Variants in PRR16 observed in about 807,000 individuals in gnomAD.
PRR16 encodes the protein protein Largen.
A neutral mutation model predicts 18.2 loss-of-function variants in PRR16; 6 were observed. The observed-to-expected ratio is 0.33, with a 90% CI of 0.18 to 0.65. The LOEUF (loss-of-function observed/expected upper bound fraction) is 0.65, where lower values mean the gene tolerates loss of function less well. Ranked by LOEUF, PRR16 falls within the 30% of genes least tolerant of loss-of-function variation. The probability of loss-of-function intolerance (pLI) is 0.74; values close to 1 mark genes in which losing one functional copy is unlikely to be tolerated. For synonymous variants in PRR16, 151 were observed against 147.8 expected, an observed-to-expected ratio of 1.02 and a Z score of -0.16; for missense variants, 412 against 376.6, an observed-to-expected ratio of 1.09 and a Z score of -0.78.
chr5:120,749,501 G>C, the PRR16 span, among the ~76,000 whole-genome samples: 1 of 151,926 alleles, frequency 6.6e-6, no homozygotes. Context: ...TGTTTTCCAA[G>C]TGTTGCTATT....
chr5:120,591,302 T>TA (rs1753627818), intron 1 of PRR16, among the ~76,000 whole-genome samples: 1 of 151,846 alleles, frequency 6.6e-6, no homozygotes, highest in African/African-American at 2.4e-5. Flanking sequence ...AATAAATAAA[T>TA]AAAAAATAAT....
At chr5:120,579,613 G>A (rs1485022807) in intron 1 of PRR16, among the ~76,000 whole-genome samples, 11 of 152,090 alleles carry the variant, frequency 7.2e-5, no homozygotes, top group Non-Finnish European at 1.5e-4. Flanking sequence ...TGGTCTATAT[G>A]TCTGTTTTGG....
chr5:120,663,924 A>AT (rs978523695), intron 1 of PRR16, among the ~76,000 whole-genome samples: 55 of 152,112 alleles, frequency 3.6e-4, no homozygotes, highest in Admixed American at 7.9e-4. Context: ...GATAATAAAT[A>AT]TTGAAGTTGT....
chr5:120,699,545 A>G, the PRR16 span, among the ~76,000 whole-genome samples: 17 of 152,168 alleles, frequency 1.1e-4, no homozygotes, highest in African/African-American at 3.9e-4. Flanking sequence ...AGGAGCCAGG[A>G]AGCAGAAAGT....
chr5:120,538,895 A>G (rs937021979), intron 1 of PRR16, among the ~76,000 whole-genome samples: 10 of 152,166 alleles, frequency 6.6e-5, no homozygotes, highest in African/African-American at 2.4e-4. Context: ...TTGGCTGCTG[A>G]CTAGCAATTG....
At chr5:120,659,941 G>A (rs1022020867) in intron 1 of PRR16, among the ~76,000 whole-genome samples, 1 of 151,998 alleles carries the variant, frequency 6.6e-6, no homozygotes, top group Non-Finnish European at 1.5e-5. Flanking sequence ...GAGATAATAT[G>A]CATGTCCTCC....
chr5:120,677,433 G>C (rs1756834299), intron 1 of PRR16, among the ~76,000 whole-genome samples: 1 of 152,176 alleles, frequency 6.6e-6, no homozygotes, highest in African/African-American at 2.4e-5. Flanking sequence ...CAGCTACTGA[G>C]AAAGGTCAAA....
At chr5:120,599,909 G>T (rs1292975582) in intron 1 of PRR16, among the ~76,000 whole-genome samples, 1 of 151,760 alleles carries the variant, frequency 6.6e-6, no homozygotes, top group African/African-American at 2.4e-5. Flanking sequence ...ATGCCCACAG[G>T]ACCATATAAA....
At position 120,628,666 on chromosome 5, in the gene PRR16, CCTAT is replaced by C. The variant is rs201190978; in HGVS notation, c.160-57270_160-57267del. On this transcript the variant is annotated intron_variant, in intron 1 of 1. Coordinates refer to ENST00000407149, the MANE Select transcript of PRR16 (RefSeq NM_001300783.2). ...TTTCTACCTTCTATCTATCTACCTA[CCTAT>C]CTATCTATCTATCTATCATTCTACC... Among the ~76,000 whole-genome samples, 150 of 136,542 alleles carry C rather than the reference CCTAT, an allele frequency of 1.1e-3. 2 individuals are homozygous for C. The Middle Eastern group carries it at 0.016, about 15-fold the overall frequency. 89.6% of individuals were successfully genotyped at this position (136,542 alleles called of 152,430 possible). A position where few individuals can be genotyped will look rare whatever the true frequency, so the allele number is the denominator to read the frequency against.
At chr5:120,603,007 A>C (rs1367757358) in intron 1 of PRR16, among the ~76,000 whole-genome samples, 1 of 152,056 alleles carries the variant, frequency 6.6e-6, no homozygotes, top group Non-Finnish European at 1.5e-5. Context: ...TTCATTAGGA[A>C]TATTGGCCTG....
At chr5:120,757,990 T>G in the PRR16 span, among the ~76,000 whole-genome samples, 3 of 150,562 alleles carry the variant, frequency 2.0e-5, no homozygotes, top group South Asian at 4.2e-4. Context: ...AAATTTAGAA[T>G]GTAAAACTAT....
At chr5:120,484,760 G>A (rs1485870464) in intron 1 of PRR16, among the ~76,000 whole-genome samples, 1 of 149,900 alleles carries the variant, frequency 6.7e-6, no homozygotes, top group African/African-American at 2.4e-5. Context: ...ATGTCATAAT[G>A]TGGTCTTGAA....
At chr5:120,706,104 C>A in the PRR16 span, among the ~76,000 whole-genome samples, 1 of 151,998 alleles carries the variant, frequency 6.6e-6, no homozygotes, top group East Asian at 1.9e-4. Context: ...TAAATAATAA[C>A]AAGAGAAAGA....
At chr5:120,490,966 C>T (rs1261077090) in intron 1 of PRR16, among the ~76,000 whole-genome samples, 2 of 152,170 alleles carry the variant, frequency 1.3e-5, no homozygotes, top group East Asian at 1.9e-4. Context: ...TGCACAACAG[C>T]GGATATTGGT....
At chr5:120,785,575 G>GTTGTTTTTTTTTTTTTTTTTTTT in the PRR16 span, among the ~76,000 whole-genome samples, 15 of 115,418 alleles carry the variant, frequency 1.3e-4, no homozygotes, top group South Asian at 2.9e-4. Context: ...TGTTGTTGTT[G>GTTGTTTTTTTTTTTTTTTTTTTT]TTTTTTTTTT....
chr5:120,686,270 T>C lies in PRR16; in HGVS notation c.476T>C (p.Leu159Ser). ...GGCACCCTTCTACGAAATGGAGGCT[T>C]ACCAGGTGGACCTAACAAAATTCCA... ...TNGTLLRNGG[L>S]PGGPNKIPNG... The change falls in exon 2 of 2, where the codon TTA becomes TCA. Residue 159 changes from leucine (L) to serine (S), a missense_variant. Transcript: ENST00000407149. The C allele has an allele frequency of 3.1e-6, 5 of 1,614,098 alleles. No homozygotes were observed. Among genetic ancestry groups the C allele is most frequent in the Non-Finnish European group, 4.2e-6 (5 of 1,180,012 alleles).
rs1580869709 is a variant in PRR16 at position 120,676,503 on chromosome 5, ATT to A, written c.160-9448_160-9447del. Among the ~76,000 whole-genome samples, 12 of 120,878 alleles carry A rather than the reference ATT, an allele frequency of 9.9e-5. No homozygotes were observed. In the East Asian group the frequency reaches 1.0e-3, roughly 10 times the overall value. 79.3% of individuals were successfully genotyped at this position (120,878 alleles called of 152,430 possible). On this transcript the variant is annotated intron_variant, in intron 1 of 1. Transcript: ENST00000407149. ...GTCTAACTTACTCTGGATTATGTTT[ATT>A]TTATATATATATATATATGTGTGTG...
the PRR16 span, among the ~76,000 whole-genome samples, chr5:120,753,871 TATATATTTATATATTATATATA>T: frequency 1.4e-4 from 2 of 13,848 alleles, no homozygotes; most frequent in African/African-American, 9.0e-4. Flanking sequence ...TCTTATATAT[TATATATTTATATATTATATATA>T]ATATATATTT....
chr5:120,549,631 T>C (rs762190425), intron 1 of PRR16, among the ~76,000 whole-genome samples: 2 of 151,998 alleles, frequency 1.3e-5, no homozygotes, highest in Non-Finnish European at 2.9e-5. Context: ...CATCTTATAA[T>C]TTAGGAGCTA....
Sources: allele counts gnomAD v4.1 joint callset (sites outside exome capture counted in the v4.1 genomes callset), GRCh38; gene constraint gnomAD v4.1.1; transcripts MANE v1.5; gene names NCBI Gene and HGNC (gene_info 2026-07-23, HGNC 2026-07-21).